The following PCDH11X variants were observed in gnomAD, a reference collection of about 807,000 sequenced individuals.
PCDH11X encodes the protein protocadherin-11 X-linked.
In PCDH11X, 18 loss-of-function variants were observed where a neutral mutation model predicts 53.3. That is an observed-to-expected ratio of 0.34 (90% CI 0.23 to 0.50). PCDH11X has a LOEUF of 0.50. Among genes scored for constraint, PCDH11X ranks in the 20% least tolerant of loss-of-function variants. PCDH11X has a pLI of 0.98. For missense variants in PCDH11X, 570 were observed against 1,032.4 expected (o/e 0.55, Z 6.14); for synonymous variants, 279 against 393.3 (o/e 0.71, Z 3.44).
chrX:92,234,837 T>C (rs2067141779), intron 7 of PCDH11X, among the ~76,000 whole-genome samples: 1 of 111,456 alleles, frequency 9.0e-6, no homozygotes, highest in Non-Finnish European at 1.9e-5. Flanking sequence ...ATAATTTTTA[T>C]TATTATTGAA....
intron 9 of PCDH11X, among the ~76,000 whole-genome samples, chrX:92,423,794 G>A (rs745575429): frequency 1.0e-5 from 1 of 97,072 alleles, no homozygotes; most frequent in South Asian, 4.3e-4. Context: ...AAGATCAGTT[G>A]GCTGTAAGTA....
chrX:92,195,236 C>T (rs960656982), intron 6 of PCDH11X, among the ~76,000 whole-genome samples: 2 of 110,274 alleles, frequency 1.8e-5, no homozygotes, highest in Non-Finnish European at 3.8e-5. Context: ...GTTAATTCAT[C>T]CCCCTTCTAT....
chrX:92,167,021 T>C (rs2065744831), intron 6 of PCDH11X, among the ~76,000 whole-genome samples: 1 of 109,984 alleles, frequency 9.1e-6, no homozygotes, highest in South Asian at 4.0e-4. Context: ...CTCCTTATTA[T>C]GAACATTAAA....
chrX:91,843,523 T>C (rs1321004611), intron 5 of PCDH11X, among the ~76,000 whole-genome samples: 2 of 109,958 alleles, frequency 1.8e-5, no homozygotes, highest in Non-Finnish European at 3.8e-5. Flanking sequence ...GTTTCACCAT[T>C]TTGGCCAGGG....
chrX:92,569,687 G>T, intron 10 of PCDH11X: 1 of 222,488 alleles, frequency 4.5e-6, no homozygotes, highest in Non-Finnish European at 8.4e-6. Context: ...GCCTTCCATT[G>T]TATTTTGATT....
intron 8 of PCDH11X, among the ~76,000 whole-genome samples, chrX:92,328,611 G>T (rs1295081306): frequency 9.1e-6 from 1 of 110,374 alleles, no homozygotes; most frequent in Non-Finnish European, 1.9e-5. Context: ...ATTAAGAGAT[G>T]ATATCACTAC....
At chrX:92,596,032 A>G (rs2148802168) in intron 10 of PCDH11X, among the ~76,000 whole-genome samples, 1 of 112,078 alleles carries the variant, frequency 8.9e-6, no homozygotes, top group East Asian at 2.8e-4. Context: ...GAGCTGATCT[A>G]GTCTCAGGAC....
chrX:92,258,871 A>G (rs1205715571), intron 7 of PCDH11X, among the ~76,000 whole-genome samples: 2 of 112,083 alleles, frequency 1.8e-5, no homozygotes, highest in African/African-American at 3.2e-5. Flanking sequence ...AACATCTTGA[A>G]TGCTTTGCTG....
chrX:92,272,792 A>T (rs965357333), intron 8 of PCDH11X, among the ~76,000 whole-genome samples: 13 of 112,161 alleles, frequency 1.2e-4, no homozygotes, highest in Non-Finnish European at 2.1e-4. Context: ...TATCTAAAGG[A>T]ATTGAGGTAG....
intron 10 of PCDH11X, among the ~76,000 whole-genome samples, chrX:92,477,232 G>C (rs2073406956): frequency 1.0e-5 from 1 of 97,833 alleles, no homozygotes; most frequent in Non-Finnish European, 2.0e-5. Flanking sequence ...GTGCCATCCA[G>C]GAGCCAGAGA....
At chrX:91,919,265 G>T (rs1328278954) in intron 6 of PCDH11X, among the ~76,000 whole-genome samples, 1 of 111,485 alleles carries the variant, frequency 9.0e-6, no homozygotes, top group Non-Finnish European at 1.9e-5. Context: ...AATTGTCAAG[G>T]TCAATTGGTG....
intron 6 of PCDH11X, among the ~76,000 whole-genome samples, chrX:92,175,785 T>TATATATATAC (rs1556140527): frequency 2.4e-5 from 2 of 83,819 alleles, no homozygotes; most frequent in Admixed American, 1.5e-4. Flanking sequence ...TGTATATATA[T>TATATATATAC]ACACACACAC....
chrX:91,841,637 G>A (rs1359813697), intron 5 of PCDH11X, among the ~76,000 whole-genome samples: 2 of 110,693 alleles, frequency 1.8e-5, no homozygotes, highest in Non-Finnish European at 3.8e-5. Flanking sequence ...AAAATTAATT[G>A]GTATAGAATT....
At chrX:92,480,498 C>T (rs1206153779) in intron 10 of PCDH11X, among the ~76,000 whole-genome samples, 1 of 108,536 alleles carries the variant, frequency 9.2e-6, no homozygotes, top group Non-Finnish European at 1.9e-5. Context: ...CTTTAGTCTT[C>T]GAAGTTGCTG....
chrX:91,843,455 G>C (rs1223720622), intron 5 of PCDH11X, among the ~76,000 whole-genome samples: 1 of 106,368 alleles, frequency 9.4e-6, no homozygotes, highest in East Asian at 3.0e-4. Context: ...GACTACAGAC[G>C]TCTGCCACAA....
chrX:92,439,518 G>T (rs768537170), intron 9 of PCDH11X, among the ~76,000 whole-genome samples: 1 of 109,888 alleles, frequency 9.1e-6, no homozygotes, highest in African/African-American at 3.3e-5. Flanking sequence ...TTATAATTTT[G>T]AAAAATATAT....
chrX:92,308,863 G>A (rs1362507280), intron 8 of PCDH11X, among the ~76,000 whole-genome samples: 2 of 110,131 alleles, frequency 1.8e-5, no homozygotes, highest in East Asian at 5.7e-4. Flanking sequence ...TATATAAATT[G>A]CTAATAAGCA....
intron 10 of PCDH11X, among the ~76,000 whole-genome samples, chrX:92,609,274 G>GT (rs767901891): frequency 1.4e-4 from 15 of 110,694 alleles, no homozygotes; most frequent in Non-Finnish European, 2.7e-4. Flanking sequence ...GAATTGCTGG[G>GT]TTTTTTTTCT....
At chrX:92,509,580 T>C (rs184634458) in intron 10 of PCDH11X, among the ~76,000 whole-genome samples, 83 of 111,968 alleles carry the variant, frequency 7.4e-4, no homozygotes, top group African/African-American at 2.4e-3. Flanking sequence ...GATAACACCT[T>C]CCCTGTTATT....
Sources: allele counts gnomAD v4.1 joint callset (sites outside exome capture counted in the v4.1 genomes callset), GRCh38; gene constraint gnomAD v4.1.1; transcripts MANE v1.5; gene names NCBI Gene and HGNC (gene_info 2026-07-23, HGNC 2026-07-21).